The following RAPGEF2 variants were observed in gnomAD, a reference collection of about 807,000 sequenced individuals.
RAPGEF2 encodes Rap guanine nucleotide exchange factor 2, also known as PDZ domain containing guanine nucleotide exchange factor (GEF) 1.
RAPGEF2 carries 54 observed loss-of-function variants against 186.7 expected under a neutral mutation model. The observed-to-expected ratio is 0.29, with a 90% CI of 0.23 to 0.36. The LOEUF (loss-of-function observed/expected upper bound fraction) is 0.36, where lower values mean the gene tolerates loss of function less well. Among genes scored for constraint, RAPGEF2 ranks in the 10% least tolerant of loss-of-function variants. The pLI, the probability that RAPGEF2 is intolerant of heterozygous loss-of-function variation, is 1.00. For missense variants in RAPGEF2, 1,532 were observed against 2,045.0 expected, an observed-to-expected ratio of 0.75 and a Z score of 4.84; for synonymous variants, 712 against 705.9, an observed-to-expected ratio of 1.01 and a Z score of -0.14.
intron 1 of RAPGEF2, among the ~76,000 whole-genome samples, chr4:159,180,978 TAAAG>T (rs563045657): frequency 5.9e-5 from 9 of 152,234 alleles, no homozygotes; most frequent in East Asian, 1.9e-4. Flanking sequence ...ATAATTAAGA[TAAAG>T]AAATAATGGT....
intron 7 of RAPGEF2, among the ~76,000 whole-genome samples, chr4:159,277,105 G>T (rs1437611780): frequency 1.4e-5 from 2 of 141,492 alleles, no homozygotes; most frequent in African/African-American, 5.3e-5. Context: ...CCAGTTGTGT[G>T]ATGTTCCCTA....
At chr4:159,294,339 C>T (rs967278984) in intron 7 of RAPGEF2, among the ~76,000 whole-genome samples, 1 of 152,134 alleles carries the variant, frequency 6.6e-6, no homozygotes, top group Non-Finnish European at 1.5e-5. Flanking sequence ...CCCTTTGGAG[C>T]TCATCAAAGT....
chr4:159,227,780 A>T (rs774752475), intron 4 of RAPGEF2, among the ~76,000 whole-genome samples: 1 of 152,182 alleles, frequency 6.6e-6, no homozygotes, highest in Non-Finnish European at 1.5e-5. Context: ...TTGAAGGGAA[A>T]AATGACAGCA....
At chr4:159,255,692 G>T (rs991855747) in intron 7 of RAPGEF2, among the ~76,000 whole-genome samples, 2 of 151,992 alleles carry the variant, frequency 1.3e-5, no homozygotes, top group Non-Finnish European at 2.9e-5. Flanking sequence ...TTGTTTTTGG[G>T]TAGAGATTTT....
chr4:159,192,998 C>T (rs867947830), intron 2 of RAPGEF2, among the ~76,000 whole-genome samples: 2 of 152,142 alleles, frequency 1.3e-5, no homozygotes, highest in African/African-American at 4.8e-5. Flanking sequence ...ATTTTCTTTT[C>T]TAGCATACTT....
At chr4:159,267,926 C>A in intron 7 of RAPGEF2, 1 of 1,281,600 alleles carries the variant, frequency 7.8e-7, no homozygotes. Flanking sequence ...GTTAGAGTTT[C>A]AATGTTATAA....
At chr4:159,287,231 A>G (rs771774208) in intron 7 of RAPGEF2, among the ~76,000 whole-genome samples, 1 of 152,170 alleles carries the variant, frequency 6.6e-6, no homozygotes, top group African/African-American at 2.4e-5. Context: ...CACATTAGCA[A>G]TCTTAATGAT....
chr4:159,286,958 CTCTG>C (rs1310687344), intron 7 of RAPGEF2, among the ~76,000 whole-genome samples: 1 of 152,144 alleles, frequency 6.6e-6, no homozygotes. Flanking sequence ...CAGTTCATCA[CTCTG>C]TCTGTAATGT....
chr4:159,329,326 G>C (rs1766349277), intron 11 of RAPGEF2: 1 of 152,232 alleles, frequency 6.6e-6, no homozygotes, highest in South Asian at 2.1e-4. Context: ...TAACACATAT[G>C]TGGTTTGTGT....
intron 1 of RAPGEF2, among the ~76,000 whole-genome samples, chr4:159,137,876 T>C (rs1326347687): frequency 6.6e-6 from 1 of 152,176 alleles, no homozygotes; most frequent in African/African-American, 2.4e-5. Flanking sequence ...CTTTATCCTG[T>C]TTGAATTGAT....
At chr4:159,278,426 C>T (rs1307810399) in intron 7 of RAPGEF2, among the ~76,000 whole-genome samples, 1 of 152,178 alleles carries the variant, frequency 6.6e-6, no homozygotes, top group Admixed American at 6.5e-5. Context: ...CCTAAGGAAC[C>T]TGAGTACTGA....
intron 4 of RAPGEF2, among the ~76,000 whole-genome samples, chr4:159,220,239 T>C (rs1322035802): frequency 6.6e-6 from 1 of 152,160 alleles, no homozygotes; most frequent in African/African-American, 2.4e-5. Context: ...AGGGGTTTGT[T>C]TCTTCAAAGT....
chr4:159,103,354 G>T lies in RAPGEF2; in HGVS notation c.-809G>T, dbSNP rs1737394359. ...GGGTGCTCTGGCCGCGGCGGCGCCG[G>T]CGCCGGGGCAGCTCCGCTCCGGGCG... is the stretch of plus-strand genomic sequence containing the variant. On this transcript the variant is annotated 5_prime_UTR_variant, in exon 1 of 30. Transcript: ENST00000691494. 6.6e-6 allele frequency: 1 copy of T among 151,580 alleles called. No homozygotes were observed. The highest frequency in any genetic ancestry group is 1.5e-5 in the Non-Finnish European group (1 of 67,698). The allele number at this position is 151,580 out of a possible 1,614,324, so 9.4% of individuals were successfully genotyped here. A position where few individuals can be genotyped will look rare whatever the true frequency, so the allele number is the denominator to read the frequency against.
At position 159,161,488 on chromosome 4, in the gene RAPGEF2, G is replaced by A. The variant is rs545417644; in HGVS notation, c.70-25154G>A. 4.1e-4 allele frequency among the ~76,000 whole-genome samples: 63 copies of A among 151,862 alleles called. 1 individual carries two copies. The highest frequency in any genetic ancestry group is 5.4e-4 in the Non-Finnish European group (37 of 67,892). ...GGGAGGCCAAGGCAGGTGGATTGCC[G>A]AGCCCAGGAGTTTGAGACTAGCCTG... On this transcript the variant is annotated intron_variant, in intron 1 of 29. Transcript: ENST00000691494.
chr4:159,155,389 A>G (rs1404054229), intron 1 of RAPGEF2, among the ~76,000 whole-genome samples: 2 of 152,192 alleles, frequency 1.3e-5, no homozygotes, highest in Non-Finnish European at 2.9e-5. Context: ...TTCTTCAGGC[A>G]TTTCTCCTTC....
intron 2 of RAPGEF2, among the ~76,000 whole-genome samples, chr4:159,188,826 C>T (rs938210146): frequency 6.6e-6 from 1 of 152,054 alleles, no homozygotes; most frequent in Non-Finnish European, 1.5e-5. Flanking sequence ...CTATTTACAC[C>T]TTAGAATGTC....
chr4:159,121,448 C>T (rs561517654), intron 1 of RAPGEF2, among the ~76,000 whole-genome samples: 2 of 151,934 alleles, frequency 1.3e-5, no homozygotes, highest in South Asian at 4.2e-4. Flanking sequence ...CTCATTGCAG[C>T]CTCAATCTCT....
intron 7 of RAPGEF2, chr4:159,267,852 T>A (rs1757613454): frequency 1.9e-6 from 2 of 1,080,430 alleles, no homozygotes; most frequent in African/African-American, 3.3e-5. Context: ...TCAGAAATGA[T>A]CTTGTTCTCT....
intron 3 of RAPGEF2, among the ~76,000 whole-genome samples, chr4:159,197,374 G>A (rs984880371): frequency 2.0e-5 from 3 of 152,058 alleles, no homozygotes; most frequent in African/African-American, 7.2e-5. Context: ...TACATTTAAC[G>A]TGCTCAAAAC....
Sources: allele counts gnomAD v4.1 joint callset (sites outside exome capture counted in the v4.1 genomes callset), GRCh38; gene constraint gnomAD v4.1.1; transcripts MANE v1.5; gene names NCBI Gene and HGNC (gene_info 2026-07-23, HGNC 2026-07-21).